Variants in EPHA6 observed in about 807,000 individuals in gnomAD.
EPHA6 encodes ephrin type-A receptor 6.
EPHA6 carries 50 observed loss-of-function variants against 112.0 expected under a neutral mutation model. The observed-to-expected ratio is 0.45, with a 90% CI of 0.36 to 0.56. The LOEUF (loss-of-function observed/expected upper bound fraction) is 0.56. EPHA6 is among the 20% of genes least tolerant of loss of function. EPHA6 has a pLI of 0.00. For missense variants in EPHA6, 1,280 were observed against 1,417.4 expected (o/e 0.90, Z 1.56); for synonymous variants, 529 against 490.7 (o/e 1.08, Z -1.03).
intron 13 of EPHA6, 85 bp downstream of exon 13, chr3:97,610,939 A>G (rs2093714747): frequency 1.8e-6 from 2 of 1,138,496 alleles, no homozygotes; most frequent in Non-Finnish European, 2.6e-6. Flanking sequence ...ATTTTTGCAT[A>G]ATGTTATTCA....
intron 3 of EPHA6, among the ~76,000 whole-genome samples, chr3:97,058,614 T>A (rs1463317553): frequency 1.3e-5 from 2 of 151,928 alleles, no homozygotes; most frequent in Non-Finnish European, 2.9e-5. Flanking sequence ...GAGTAAGGAG[T>A]TTTTAATCAA....
chr3:97,583,771 A>T (rs2093463215), intron 11 of EPHA6, among the ~76,000 whole-genome samples: 1 of 152,202 alleles, frequency 6.6e-6, no homozygotes, highest in South Asian at 2.1e-4. Context: ...TACTTTGTGG[A>T]TATCAACAAA....
intron 13 of EPHA6, among the ~76,000 whole-genome samples, chr3:97,621,298 G>GA (rs1379396052): frequency 6.6e-6 from 1 of 151,774 alleles, no homozygotes; most frequent in Non-Finnish European, 1.5e-5. Context: ...AGAGGATCAG[G>GA]AAAAATAACT....
At chr3:97,123,909 C>CAG (rs373822731) in intron 3 of EPHA6, among the ~76,000 whole-genome samples, 344 of 148,770 alleles carry the variant, frequency 2.3e-3, no homozygotes, top group South Asian at 8.0e-3. Flanking sequence ...GAGGGAGAGA[C>CAG]AGAGAGAGAG....
intron 3 of EPHA6, among the ~76,000 whole-genome samples, chr3:97,219,874 C>T (rs149741208): frequency 0.016 from 2,367 of 152,258 alleles, 74 homozygotes; most frequent in African/African-American, 0.054. Flanking sequence ...CCCTTTTAAA[C>T]GTAAGTTCTA....
chr3:97,479,775 C>A (rs2091476479), intron 9 of EPHA6, among the ~76,000 whole-genome samples: 1 of 152,086 alleles, frequency 6.6e-6, no homozygotes, highest in Non-Finnish European at 1.5e-5. Context: ...ATTTACAATT[C>A]ATTAATACTA....
chr3:97,525,068 A>T (rs550544804), intron 10 of EPHA6, among the ~76,000 whole-genome samples: 47 of 152,154 alleles, frequency 3.1e-4, no homozygotes, highest in Non-Finnish European at 5.9e-4. Context: ...TTTTTCAAAC[A>T]GTATTTCTTT....
intron 3 of EPHA6, among the ~76,000 whole-genome samples, chr3:97,060,923 CAAAAAA>C (rs71623565): frequency 4.7e-5 from 1 of 21,244 alleles, no homozygotes; most frequent in African/African-American, 1.3e-4. Flanking sequence ...GACTCCGTCT[CAAAAAA>C]AAAAAAAAAA....
At chr3:97,007,220 G>A (rs1188141043) in intron 3 of EPHA6, among the ~76,000 whole-genome samples, 1 of 152,014 alleles carries the variant, frequency 6.6e-6, no homozygotes, top group African/African-American at 2.4e-5. Flanking sequence ...GTTTTCCACT[G>A]TTATTGCATG....
intron 5 of EPHA6, among the ~76,000 whole-genome samples, chr3:97,299,398 T>C (rs1053541723): frequency 6.6e-6 from 1 of 152,114 alleles, no homozygotes; most frequent in African/African-American, 2.4e-5. Context: ...CACCAGATGC[T>C]CCAAGGATTA....
chr3:96,883,107 G>T (rs1419548308), intron 2 of EPHA6, among the ~76,000 whole-genome samples: 2 of 151,918 alleles, frequency 1.3e-5, no homozygotes, highest in Non-Finnish European at 2.9e-5. Flanking sequence ...TTGATTTTTT[G>T]ATTATGACCA....
intron 10 of EPHA6, among the ~76,000 whole-genome samples, chr3:97,511,434 G>A (rs547747304): frequency 6.5e-4 from 99 of 152,240 alleles, no homozygotes; most frequent in African/African-American, 2.3e-3. Context: ...GCTAGAGGAG[G>A]GGGTTCCTCG....
intron 5 of EPHA6, among the ~76,000 whole-genome samples, chr3:97,394,427 AGGTCAAACT>A (rs1323797384): frequency 6.6e-6 from 1 of 151,880 alleles, no homozygotes; most frequent in Non-Finnish European, 1.5e-5. Context: ...AATTGAGATT[AGGTCAAACT>A]ATAAAGCTCT....
intron 3 of EPHA6, among the ~76,000 whole-genome samples, chr3:97,060,374 T>C (rs183887544): frequency 2.0e-5 from 3 of 152,290 alleles, no homozygotes; most frequent in Admixed American, 1.3e-4. Context: ...AGAATATATA[T>C]ACAGAATAAA....
chr3:97,299,155 G>A (rs2080991544), intron 5 of EPHA6, among the ~76,000 whole-genome samples: 1 of 150,790 alleles, frequency 6.6e-6, no homozygotes. Context: ...ACTCCTTTTG[G>A]CTGGACGGTT....
chr3:97,674,065 A>G (rs2031121709), intron 14 of EPHA6, among the ~76,000 whole-genome samples: 1 of 152,222 alleles, frequency 6.6e-6, no homozygotes, highest in African/African-American at 2.4e-5. Context: ...AAGAAACCTA[A>G]AAGCTAAGCA....
At chr3:97,540,505 T>C (rs2092834008) in intron 11 of EPHA6, among the ~76,000 whole-genome samples, 1 of 152,216 alleles carries the variant, frequency 6.6e-6, no homozygotes, top group African/African-American at 2.4e-5. Context: ...AATTTATTGG[T>C]TGTCCTTCTA....
At chr3:96,826,749 TAC>T (rs2033687113) in intron 1 of EPHA6, among the ~76,000 whole-genome samples, 1 of 152,148 alleles carries the variant, frequency 6.6e-6, no homozygotes, top group African/African-American at 2.4e-5. Context: ...TTGTGTTTAT[TAC>T]AGTTTCAAAA....
At chr3:97,299,475 A>C (rs2081008182) in intron 5 of EPHA6, among the ~76,000 whole-genome samples, 2 of 152,244 alleles carry the variant, frequency 1.3e-5, no homozygotes, top group African/African-American at 2.4e-5. Flanking sequence ...CTTTCTTTTA[A>C]GTTGGAAAGA....
Sources: gnomAD v4.1 joint callset for allele counts (sites outside exome capture counted in the v4.1 genomes callset) on GRCh38, gnomAD v4.1.1 for gene constraint, MANE v1.5 for transcripts, NCBI Gene and HGNC (gene_info 2026-07-23, HGNC 2026-07-21) for gene names.